Variants in TESC observed in about 807,000 individuals in gnomAD.
TESC encodes tescalcin.
A neutral mutation model predicts 31.0 loss-of-function variants in TESC; 19 were observed. The observed-to-expected ratio is 0.61, with a 90% CI of 0.43 to 0.90. The LOEUF (loss-of-function observed/expected upper bound fraction) is 0.90. Ranked by LOEUF, TESC falls within the 40% of genes least tolerant of loss-of-function variation. The pLI is 0.00. For synonymous variants in TESC, 109 were observed against 114.8 expected, an observed-to-expected ratio of 0.95 and a Z score of 0.32; for missense variants, 248 against 303.8, an observed-to-expected ratio of 0.82 and a Z score of 1.36.
intron 1 of TESC, among the ~76,000 whole-genome samples, chr12:117,086,940 C>T (rs1442682053): frequency 6.6e-6 from 1 of 152,192 alleles, no homozygotes; most frequent in Non-Finnish European, 1.5e-5. Context: ...GACGCAGCAA[C>T]TTGCATGCCT....
chr12:117,079,856 A>G (rs1201779798), intron 1 of TESC, among the ~76,000 whole-genome samples: 3 of 152,176 alleles, frequency 2.0e-5, no homozygotes, highest in Admixed American at 6.6e-5. Flanking sequence ...ATGGGGTTCA[A>G]TTTAAATGGG....
chr12:117,082,659 G>A (rs1185186212), intron 1 of TESC, among the ~76,000 whole-genome samples: 5 of 152,108 alleles, frequency 3.3e-5, no homozygotes, highest in Admixed American at 2.6e-4. Flanking sequence ...GTTGTTGCAC[G>A]GAAAATCCAA....
intron 3 of TESC, chr12:117,053,856 C>G (rs1338367289): frequency 6.6e-6 from 1 of 152,480 alleles, no homozygotes; most frequent in Non-Finnish European, 1.5e-5. Context: ...GGTGCCCTGT[C>G]AGGGGCCGCA....
chr12:117,085,914 C>T (rs1437527292), intron 1 of TESC, among the ~76,000 whole-genome samples: 1 of 152,216 alleles, frequency 6.6e-6, no homozygotes, highest in African/African-American at 2.4e-5. Flanking sequence ...ATGGCAACTA[C>T]TCAATGTCCA....
intron 1 of TESC, among the ~76,000 whole-genome samples, chr12:117,075,913 A>ATATATATATGTG (rs1265957613): frequency 1.7e-4 from 9 of 51,946 alleles, no homozygotes; most frequent in Non-Finnish European, 3.0e-4. Context: ...ATATATATAT[A>ATATATATATGTG]TGTGTGTGTG....
At chr12:117,056,952 T>A (rs760240294) in intron 2 of TESC, 66 bp from the exon 3 acceptor site, 16 of 1,525,834 alleles carry the variant, frequency 1.0e-5, no homozygotes, top group Non-Finnish European at 1.5e-5. Context: ...CAGCTGGCAT[T>A]TTCATCCTGT....
chr12:117,093,584 C>T (rs1247346157), intron 1 of TESC, among the ~76,000 whole-genome samples: 1 of 152,230 alleles, frequency 6.6e-6, no homozygotes, highest in African/African-American at 2.4e-5. Context: ...ATTATGATGC[C>T]TGTGGCCTTG....
intron 1 of TESC, among the ~76,000 whole-genome samples, chr12:117,075,963 ATATG>A (rs1955068778): frequency 1.6e-5 from 2 of 125,498 alleles, no homozygotes; most frequent in African/African-American, 3.3e-5. Flanking sequence ...ATATATATAT[ATATG>A]TATGTATATA....
intron 1 of TESC, among the ~76,000 whole-genome samples, chr12:117,078,597 C>G (rs1290607549): frequency 6.6e-6 from 1 of 152,148 alleles, no homozygotes; most frequent in Non-Finnish European, 1.5e-5. Context: ...TTAACAGTGA[C>G]AGTTGTGTAT....
Position 117,039,284 on chromosome 12 carries a change from G to A in TESC, c.568-74C>T, listed in dbSNP as rs1954447578. The A allele has an allele frequency of 9.8e-6, 14 of 1,432,290 alleles. No homozygotes were observed. In the South Asian group the frequency reaches 1.2e-4, roughly 12 times the overall value. 88.7% of individuals were successfully genotyped at this position (1,432,290 alleles called of 1,614,324 possible). A position where few individuals can be genotyped will look rare whatever the true frequency, so the allele number is the denominator to read the frequency against. Reference sequence around the variant, plus strand: ...CACCTGACCAGGCCCCCCGGTCCTCGGCCCTTCCCACCTACCGTCTCCTGC... The same window carrying A: ...CACCTGACCAGGCCCCCCGGTCCTCAGCCCTTCCCACCTACCGTCTCCTGC... On this transcript the variant is annotated intron_variant, in intron 7 of 7. Coordinates refer to ENST00000335209, the MANE Select transcript of TESC (RefSeq NM_017899.4).
At chr12:117,070,417 T>G (rs574249786) in intron 2 of TESC, among the ~76,000 whole-genome samples, 39 of 152,242 alleles carry the variant, frequency 2.6e-4, no homozygotes, top group African/African-American at 9.4e-4. Context: ...GTCACCTCCT[T>G]CCTGCAGGCT....
intron 6 of TESC, among the ~76,000 whole-genome samples, chr12:117,045,054 G>A (rs767486420): frequency 4.6e-5 from 7 of 152,326 alleles, no homozygotes; most frequent in East Asian, 1.9e-4. Flanking sequence ...TTGAACCGAC[G>A]CAGCTGCCCC....
intron 2 of TESC, among the ~76,000 whole-genome samples, chr12:117,070,575 T>C (rs1041599304): frequency 1.3e-5 from 2 of 152,128 alleles, no homozygotes; most frequent in Non-Finnish European, 2.9e-5. Flanking sequence ...TAGAGATCAC[T>C]TGCAAATCAA....
At chr12:117,074,458 T>C (rs1388471049) in intron 2 of TESC, among the ~76,000 whole-genome samples, 3 of 152,192 alleles carry the variant, frequency 2.0e-5, no homozygotes, top group African/African-American at 7.2e-5. Flanking sequence ...TAAAGGTATC[T>C]AAAAGATTAA....
intron 2 of TESC, among the ~76,000 whole-genome samples, chr12:117,073,094 C>T (rs548196290): frequency 8.3e-4 from 127 of 152,360 alleles, no homozygotes; most frequent in Middle Eastern, 3.4e-3. Context: ...CAGTGCCTGG[C>T]TGACTTGTGT....
chr12:117,071,092 C>T (rs1257613208), intron 2 of TESC, among the ~76,000 whole-genome samples: 3 of 152,242 alleles, frequency 2.0e-5, no homozygotes, highest in African/African-American at 7.2e-5. Context: ...TGAATTCTTT[C>T]ACCTGGATTA....
chr12:117,086,268 AT>A (rs113210754), intron 1 of TESC, among the ~76,000 whole-genome samples: 22,715 of 147,984 alleles, frequency 0.15, 1,833 homozygotes, highest in Middle Eastern at 0.22. Flanking sequence ...ATACACTTTA[AT>A]TTTTTTTTTT....
At chr12:117,042,629 G>A (rs1168354208) in intron 6 of TESC, among the ~76,000 whole-genome samples, 4 of 152,324 alleles carry the variant, frequency 2.6e-5, no homozygotes, top group Middle Eastern at 3.4e-3. Context: ...TGGGTTTGGC[G>A]ATGCCAGTCT....
intron 7 of TESC, 125 bp from the exon 8 acceptor site, chr12:117,039,335 T>A: frequency 1.1e-6 from 1 of 907,524 alleles, no homozygotes; most frequent in Non-Finnish European, 1.7e-6. Context: ...TCCAGGCAGG[T>A]GAAAACCAGA....
Sources: allele counts gnomAD v4.1 joint callset (sites outside exome capture counted in the v4.1 genomes callset), GRCh38; gene constraint gnomAD v4.1.1; transcripts MANE v1.5; gene names NCBI Gene and HGNC (gene_info 2026-07-23, HGNC 2026-07-21).